The following ITPA variants were observed in gnomAD, a reference collection of about 807,000 sequenced individuals.
The protein encoded by ITPA is inosine triphosphatase.
ITPA carries 29 observed loss-of-function variants against 29.6 expected under a neutral mutation model. That is an observed-to-expected ratio of 0.98 (90% CI 0.73 to 1.34). The LOEUF (loss-of-function observed/expected upper bound fraction) is 1.34. Among genes scored for constraint, ITPA ranks in the 40% most tolerant of loss-of-function variants. The pLI is 0.00. For synonymous variants in ITPA, 103 were observed against 99.3 expected (o/e 1.04, Z -0.22); for missense variants, 241 against 251.5 (o/e 0.96, Z 0.28).
At chr20:3,212,344 G>T (rs1473847838) in intron 1 of ITPA, among the ~76,000 whole-genome samples, 4 of 150,518 alleles carry the variant, frequency 2.7e-5, no homozygotes, top group Non-Finnish European at 5.9e-5. Flanking sequence ...TTTTGAGACG[G>T]AGTCTCACTC....
chr20:3,204,359 C>G (rs2067055878), upstream of ITPA, among the ~76,000 whole-genome samples: 1 of 152,142 alleles, frequency 6.6e-6, no homozygotes, highest in Admixed American at 6.5e-5. Flanking sequence ...GCGGCGCGGC[C>G]ACCGATTCCA....
At chr20:3,226,308 C>T (rs1347750460), downstream of ITPA, among the ~76,000 whole-genome samples, 3 of 152,206 alleles carry the variant, frequency 2.0e-5, no homozygotes, top group African/African-American at 4.8e-5. This position sits in a 1 kb window ranked among gnomAD's most constrained non-coding sequence, Gnocchi z 4.4. Flanking sequence ...ACAAATCCCT[C>T]GCGTGGTCAC....
intron 6 of ITPA, among the ~76,000 whole-genome samples, chr20:3,219,746 CAA>C (rs34376287): frequency 2.2e-4 from 25 of 115,120 alleles, no homozygotes; most frequent in Admixed American, 2.7e-4. Flanking sequence ...ACTCCGTCTC[CAA>C]AAAAAAAAAA....
intron 1 of ITPA, among the ~76,000 whole-genome samples, chr20:3,211,167 T>C (rs1209491468): frequency 2.0e-5 from 1 of 49,576 alleles, no homozygotes; most frequent in East Asian, 7.9e-4. Context: ...ACAGGTAGTC[T>C]TTTTTTTTTT....
chr20:3,204,482 C>G (rs2067056939), upstream of ITPA: 1 of 1,519,358 alleles, frequency 6.6e-7, no homozygotes, highest in Middle Eastern at 1.7e-4. Context: ...TCCACAAAGG[C>G]TCAGAAGGCC....
chr20:3,211,831 T>G (rs2067182677), intron 1 of ITPA, among the ~76,000 whole-genome samples: 1 of 152,202 alleles, frequency 6.6e-6, no homozygotes, highest in South Asian at 2.1e-4. Flanking sequence ...ATTGGCAGAC[T>G]GAGGAAACCT....
At chr20:3,219,285 C>T (rs2067399075) in intron 6 of ITPA, among the ~76,000 whole-genome samples, 1 of 140,020 alleles carries the variant, frequency 7.1e-6, no homozygotes, top group African/African-American at 2.6e-5. Flanking sequence ...CGGCTCACTG[C>T]AACCTCCGCC....
At chr20:3,212,948 A>G (rs1414401004) in intron 1 of ITPA, among the ~76,000 whole-genome samples, 1 of 152,000 alleles carries the variant, frequency 6.6e-6, no homozygotes, top group African/African-American at 2.4e-5. Flanking sequence ...GGCTTAGCAC[A>G]AGCAGAGACC....
chr20:3,217,139 C>T (rs1034014240), intron 5 of ITPA, among the ~76,000 whole-genome samples: 3 of 152,222 alleles, frequency 2.0e-5, no homozygotes, highest in Non-Finnish European at 4.4e-5. Flanking sequence ...CCTCGGCCTT[C>T]CAAAATGCTG....
chr20:3,216,689 C>T (rs150609658), intron 5 of ITPA, among the ~76,000 whole-genome samples: 1,773 of 151,458 alleles, frequency 0.012, 45 homozygotes, highest in African/African-American at 0.039. Context: ...TGACCTCAGG[C>T]GATCCACCCA....
chr20:3,218,029 T>C (rs762729754), intron 5 of ITPA, among the ~76,000 whole-genome samples: 1 of 152,044 alleles, frequency 6.6e-6, no homozygotes, highest in Non-Finnish European at 1.5e-5. Context: ...ACCATTCTCC[T>C]GCCTCAGCCT....
intron 5 of ITPA, among the ~76,000 whole-genome samples, chr20:3,216,060 G>C (rs1006617044): frequency 6.6e-6 from 1 of 151,858 alleles, no homozygotes; most frequent in Admixed American, 6.6e-5. Flanking sequence ...CGTCAATCTC[G>C]GCTCACTGCA....
chr20:3,214,619 G>T (rs1053459733), intron 4 of ITPA, among the ~76,000 whole-genome samples: 1 of 150,740 alleles, frequency 6.6e-6, no homozygotes, highest in Non-Finnish European at 1.5e-5. Flanking sequence ...TCGCTCTGTC[G>T]CCCAGGCTGG....
chr20:3,204,635 G>A (rs370359432), upstream of ITPA: 85 of 1,574,984 alleles, frequency 5.4e-5, no homozygotes, highest in African/African-American at 9.8e-4. Context: ...CATGACGAGG[G>A]CCTCAGTGCA....
Position 3,217,189 on chromosome 20 carries a change from T to C in ITPA, c.296-1328T>C, listed in dbSNP as rs558418786. On this transcript the variant is annotated intron_variant, in intron 5 of 7. Transcript: ENST00000380113. Reference sequence around the variant, plus strand: ...AGTTACCGCACCCATCCTTATGTGCTTTTAAAAACACTTTACATTATAGAG... The same window carrying C: ...AGTTACCGCACCCATCCTTATGTGCCTTTAAAAACACTTTACATTATAGAG... Among the ~76,000 whole-genome samples, 191 of 152,362 alleles carry C rather than the reference T, an allele frequency of 1.3e-3. 3 individuals are homozygous for C. Among genetic ancestry groups the C allele is most frequent in the Non-Finnish European group, 1.7e-3 (115 of 68,040 alleles).
chr20:3,214,625 G>C (rs2067251839), intron 4 of ITPA, among the ~76,000 whole-genome samples: 1 of 151,452 alleles, frequency 6.6e-6, no homozygotes, highest in Admixed American at 6.6e-5. Context: ...TGTCGCCCAG[G>C]CTGGAGTGCA....
At chr20:3,220,910 T>A (rs989145204) in intron 6 of ITPA, among the ~76,000 whole-genome samples, 1 of 151,452 alleles carries the variant, frequency 6.6e-6, no homozygotes. Flanking sequence ...TTTTTTGGAG[T>A]GTTTGTTTGT....
At position 3,218,597 on chromosome 20, in the gene ITPA, A is replaced by C; in HGVS notation, c.376A>C (p.Ser126Arg). The change falls in exon 6 of 8, where the codon AGC becomes CGC. Residue 126 changes from serine to arginine, a missense_variant. By Grantham distance (110) the Ser-to-Arg change is moderately radical. Transcript: ENST00000380113. ...GTTTGCACTCAGCACCGGGGACCCA[A>C]GCCAGCCCGTGCGCCTGTTCAGGGG... ...CTFALSTGDP[S>R]QPVRLFRGRT... is the part of the protein sequence containing the mutation. The C allele has an allele frequency of 6.2e-7, 1 of 1,613,760 alleles. No homozygotes were observed. The highest frequency in any genetic ancestry group is 1.7e-5 in the Admixed American group (1 of 60,008).
At chr20:3,224,786 G>C (rs923650689), downstream of ITPA, among the ~76,000 whole-genome samples, 1 of 152,182 alleles carries the variant, frequency 6.6e-6, no homozygotes. Flanking sequence ...GGGTGGGGTG[G>C]GTACATAGGC....
Sources: allele counts gnomAD v4.1 joint callset (sites outside exome capture counted in the v4.1 genomes callset), GRCh38; gene constraint gnomAD v4.1.1; non-coding constraint Gnocchi (gnomAD v3.1); transcripts MANE v1.5; gene names NCBI Gene and HGNC (gene_info 2026-07-23, HGNC 2026-07-21).